Variants in ZNF527 observed in about 807,000 individuals in gnomAD.
ZNF527 encodes the protein zinc finger protein 527.
A neutral mutation model predicts 13.5 loss-of-function variants in ZNF527; 5 were observed. That is an observed-to-expected ratio of 0.37 (90% CI 0.19 to 0.78). The LOEUF is 0.78. ZNF527 is among the 30% of genes least tolerant of loss of function. The pLI is 0.48. For missense variants in ZNF527, 628 were observed against 726.4 expected (o/e 0.86, Z 1.56); for synonymous variants, 209 against 243.1 (o/e 0.86, Z 1.30).
chr19:37,379,123 T>C lies in ZNF527; in HGVS notation c.37T>C (p.Leu13=), dbSNP rs753481419. 4 of 1,613,966 alleles carry C rather than the reference T, an allele frequency of 2.5e-6. No individual in the cohort carries two copies. Among genetic ancestry groups the C allele is most frequent in the Non-Finnish European group, 3.4e-6 (4 of 1,179,972 alleles). ...AACAAGAATTTTTTTATTTCAGGGGTTGGTGACCTTCAGAGATGTGGCGCT... is the reference window on the plus strand; with the variant it reads ...AACAAGAATTTTTTTATTTCAGGGGCTGGTGACCTTCAGAGATGTGGCGCT... ...VGLCKAMSQG[L]VTFRDVALDF... is the part of the protein sequence containing the mutation. The change falls in exon 3 of 5, where the codon TTG becomes CTG. Residue 13 remains leucine (L), a synonymous_variant. Transcript: ENST00000436120.
rs528584659 is a variant in ZNF527 at position 37,383,084 on chromosome 19, C to A, written c.256+2712C>A. ...CTGCTTAGTTTTTTTCCTGCTGTAA[C>A]AAATTAGCACACATTTAGTGGCTTA... On this transcript the variant is annotated intron_variant, in intron 4 of 4. Transcript: ENST00000436120. 3.3e-5 allele frequency among the ~76,000 whole-genome samples: 5 copies of A among 152,276 alleles called. No individual in the cohort carries two copies. In the East Asian group the frequency reaches 9.6e-4, roughly 29 times the overall value.
chr19:37,379,171 G>A lies in ZNF527; in HGVS notation c.85G>A (p.Glu29Lys). 1 of 1,613,932 alleles carries A rather than the reference G, an allele frequency of 6.2e-7. No individual in the cohort carries two copies. Among genetic ancestry groups the A allele is most frequent in the East Asian group, 2.2e-5 (1 of 44,836 alleles). The change falls in exon 3 of 5, where the codon GAA (glutamate) becomes AAA (lysine). Residue 29 changes from glutamate (E) to lysine (K), a missense_variant. Glu to Lys is a moderately conservative substitution (Grantham distance 56). Transcript: ENST00000436120. The stretch of plus-strand genomic sequence containing the variant: ...GCTAGACTTTTCCCAAGAAGAGTGG[G>A]AATGGCTGAAGCCATCTCAGAAGGA... Reference protein sequence around the residue: ...VALDFSQEEWEWLKPSQKDLY... With the variant: ...VALDFSQEEWKWLKPSQKDLY...
intron 3 of ZNF527, chr19:37,380,042 T>C: frequency 1.6e-6 from 1 of 608,968 alleles, no homozygotes; most frequent in Non-Finnish European, 2.5e-6. Flanking sequence ...TCTAATTAGT[T>C]CCTAGGTGAT....
intron 1 of ZNF527, 89 bp from the exon 2 acceptor site, chr19:37,374,065 GGAGA>G (rs910500919): frequency 9.8e-6 from 8 of 820,460 alleles, no homozygotes; most frequent in Non-Finnish European, 1.4e-5. Flanking sequence ...GCCCATGTAG[GGAGA>G]AGAAAGGGGC....
chr19:37,383,939 G>A (rs1385994053), intron 4 of ZNF527, among the ~76,000 whole-genome samples: 1 of 152,128 alleles, frequency 6.6e-6, no homozygotes. Flanking sequence ...ATTTTAATAA[G>A]TGAAAGTCTA....
In ZNF527 at chr19:37,389,039, T is replaced by C; in HGVS notation, c.990T>C (p.Tyr330=). The part of the protein sequence containing the change: ...HQRTHIGEKP[Y]ECKECNKAFR... ...GAACTCATATTGGGGAGAAACCTTA[T>C]GAATGTAAGGAATGTAACAAAGCTT... Residue 330 remains tyrosine (Y), a synonymous_variant, in exon 5 of 5, where the codon TAT becomes TAC. Coordinates refer to ENST00000436120, the MANE Select transcript of ZNF527 (RefSeq NM_032453.2). 6.2e-7 allele frequency: 1 copy of C among 1,614,212 alleles called. No homozygotes were observed. Among genetic ancestry groups the C allele is most frequent in the Non-Finnish European group, 8.5e-7 (1 of 1,180,022 alleles).
rs1388862160 is a variant in ZNF527, at chr19:37,389,280, G to A, written c.1231G>A (p.Glu411Lys). ...LNQHQRIHTG[E>K]KPYECNQCGK... is the part of the protein sequence containing the mutation. ...TCAACATCAGAGGATTCACACTGGA[G>A]AGAAACCCTATGAATGTAATCAGTG... Residue 411 changes from glutamate to lysine, a missense_variant, in exon 5 of 5, where the codon GAG becomes AAG. Glu to Lys is a moderately conservative substitution (Grantham distance 56). Around this residue, in one of 3 missense-constraint regions of ZNF527, gnomAD observed 592 missense variants for 678.0 expected, o/e 0.87. Coordinates refer to ENST00000436120, the MANE Select transcript of ZNF527 (RefSeq NM_032453.2). 1.9e-6 allele frequency: 3 copies of A among 1,614,088 alleles called. No homozygotes were observed. Among genetic ancestry groups the A allele is most frequent in the East Asian group, 2.2e-5 (1 of 44,902 alleles).
intron 4 of ZNF527, among the ~76,000 whole-genome samples, chr19:37,386,134 C>CCTTTTTT (rs1568696513): frequency 1.4e-5 from 1 of 72,666 alleles, no homozygotes; most frequent in African/African-American, 7.1e-5. Flanking sequence ...CTTTTCTCTT[C>CCTTTTTT]TTTTCCTTTT....
At chr19:37,374,304 T>C in intron 2 of ZNF527, 73 bp downstream of exon 2, 1 of 1,455,014 alleles carries the variant, frequency 6.9e-7, no homozygotes, top group African/African-American at 1.4e-5. Flanking sequence ...ACAGGGAAAA[T>C]CACAAATAGC....
intron 2 of ZNF527, 21 bp from the exon 3 acceptor site, chr19:37,379,099 A>T: frequency 6.2e-7 from 1 of 1,614,014 alleles, no homozygotes; most frequent in East Asian, 2.2e-5. Context: ...CACCTGGTGA[A>T]CAAGAATTTT....
intron 3 of ZNF527, chr19:37,379,546 T>G (rs990904958): frequency 6.3e-6 from 1 of 157,928 alleles, no homozygotes; most frequent in Admixed American, 6.7e-5. Context: ...CACTGCAACC[T>G]CCGCCTCCTG....
intron 4 of ZNF527, among the ~76,000 whole-genome samples, chr19:37,384,628 T>C (rs573716055): frequency 2.0e-4 from 31 of 152,384 alleles, no homozygotes; most frequent in Admixed American, 1.9e-3. Context: ...GTACTAACAA[T>C]GACAGTGTCT....
chr19:37,382,083 C>T (rs979184606), intron 4 of ZNF527, among the ~76,000 whole-genome samples: 2 of 152,058 alleles, frequency 1.3e-5, no homozygotes, highest in African/African-American at 4.8e-5. Context: ...TTTTTGGGCA[C>T]GTCCTTCCTT....
intron 1 of ZNF527, among the ~76,000 whole-genome samples, chr19:37,371,916 T>C (rs1297946235): frequency 1.3e-5 from 2 of 152,130 alleles, no homozygotes; most frequent in Non-Finnish European, 2.9e-5. Flanking sequence ...CACAGAAATA[T>C]TAGAATTACC....
intron 1 of ZNF527, among the ~76,000 whole-genome samples, chr19:37,373,403 A>G (rs559053330): frequency 6.6e-6 from 1 of 152,364 alleles, no homozygotes; most frequent in Non-Finnish European, 1.5e-5. Flanking sequence ...AACATTGTAT[A>G]TTTATATTAC....
rs768738658 is a variant in ZNF527 at position 37,389,778 on chromosome 19, G to T, written c.1729G>T (p.Ala577Ser). Residue 577 changes from alanine (A) to serine (S), a missense_variant, in exon 5 of 5, where the codon GCT (alanine) becomes TCT (serine). Physicochemically the swap from Ala to Ser is moderately conservative, Grantham distance 99. Around this residue, in one of 3 missense-constraint regions of ZNF527, gnomAD observed 592 missense variants for 678.0 expected, o/e 0.87. Coordinates refer to ENST00000436120, the MANE Select transcript of ZNF527 (RefSeq NM_032453.2). ...LSLRLHQRIHAGEKPYKCNEC... is the reference protein window; with the variant it reads ...LSLRLHQRIHSGEKPYKCNEC... Reference sequence around the variant, plus strand: ...CCTAAGACTACACCAGAGAATTCACGCTGGAGAAAAACCTTATAAATGTAA... The same window carrying T: ...CCTAAGACTACACCAGAGAATTCACTCTGGAGAAAAACCTTATAAATGTAA... 2 of 1,613,336 alleles carry T rather than the reference G, an allele frequency of 1.2e-6. No homozygotes were observed. The highest frequency in any genetic ancestry group is 2.2e-5 in the South Asian group (2 of 91,022).
In ZNF527 at chr19:37,391,364, G is replaced by C. The variant is rs2040750821; in HGVS notation, c.*1485G>C. 6.6e-6 allele frequency: 1 copy of C among 152,124 alleles called. No homozygotes were observed. Among genetic ancestry groups the C allele is most frequent in the African/African-American group, 2.4e-5 (1 of 41,400 alleles). 9.4% of individuals were successfully genotyped at this position (152,124 alleles called of 1,614,324 possible). ...GTGGGCAGATCACCTGAGGTCAGGA[G>C]TTCGAGACCAGCCTGACCAACATGG... On this transcript the variant is annotated 3_prime_UTR_variant, in exon 5 of 5. Coordinates refer to ENST00000436120, the MANE Select transcript of ZNF527 (RefSeq NM_032453.2).
chr19:37,387,378 T>G (rs554282567), intron 4 of ZNF527, among the ~76,000 whole-genome samples: 1 of 152,310 alleles, frequency 6.6e-6, no homozygotes, highest in Non-Finnish European at 1.5e-5. Flanking sequence ...CCTGTAATAA[T>G]CTATATCATA....
chr19:37,374,119 T>C, intron 1 of ZNF527, 39 bp from the exon 2 acceptor site: 1 of 1,404,636 alleles, frequency 7.1e-7, no homozygotes, highest in African/African-American at 1.4e-5. Context: ...AACACAGGGC[T>C]GGCACATCAT....
Sources: allele counts gnomAD v4.1 joint callset (sites outside exome capture counted in the v4.1 genomes callset), GRCh38; gene constraint gnomAD v4.1.1; regional missense constraint gnomAD v4.1.1; transcripts MANE v1.5; gene names NCBI Gene and HGNC (gene_info 2026-07-23, HGNC 2026-07-21).